The following HTR4 variants were observed in gnomAD, a reference collection of about 807,000 sequenced individuals.
HTR4 encodes the protein 5-hydroxytryptamine (serotonin) receptor 4, G protein-coupled.
A neutral mutation model predicts 36.8 loss-of-function variants in HTR4; 16 were observed. The ratio of observed to expected loss-of-function variants is 0.43; its 90% confidence interval spans 0.29 to 0.66. The LOEUF (loss-of-function observed/expected upper bound fraction) is 0.66, where lower values mean the gene tolerates loss of function less well. Ranked by LOEUF, HTR4 falls within the 30% of genes least tolerant of loss-of-function variation. The pLI, the probability that HTR4 is intolerant of heterozygous loss-of-function variation, is 0.13. For missense variants in HTR4, 438 were observed against 490.9 expected (o/e 0.89, Z 1.02); for synonymous variants, 189 against 185.1 (o/e 1.02, Z -0.17).
At chr5:148,512,887 C>T (rs780297908) in intron 5 of HTR4, among the ~76,000 whole-genome samples, 8 of 152,046 alleles carry the variant, frequency 5.3e-5, no homozygotes, top group African/African-American at 7.2e-5. Flanking sequence ...GCTAAGATCA[C>T]GCCACTGCAC....
downstream of HTR4, among the ~76,000 whole-genome samples, chr5:148,473,593 A>C (rs986710051): frequency 2.0e-5 from 3 of 152,116 alleles, no homozygotes; most frequent in African/African-American, 7.2e-5. Flanking sequence ...GTTTTTTGTG[A>C]CTAGATATTT....
chr5:148,457,439 C>T (rs769193354), intron 5 of HTR4, among the ~76,000 whole-genome samples: 1 of 151,050 alleles, frequency 6.6e-6, no homozygotes, highest in African/African-American at 2.4e-5. Context: ...CAATTAGCAT[C>T]GCACTTAGAG....
intron 5 of HTR4, among the ~76,000 whole-genome samples, chr5:148,464,034 CAA>C (rs34212190): frequency 0.012 from 1,153 of 99,644 alleles, 20 homozygotes; most frequent in African/African-American, 0.037. Flanking sequence ...CATTGACATG[CAA>C]AAAAAAAAAA....
At chr5:148,548,503 G>T (rs1432949880) in intron 4 of HTR4, among the ~76,000 whole-genome samples, 165 bp downstream of exon 4, 1 of 152,174 alleles carries the variant, frequency 6.6e-6, no homozygotes, top group Non-Finnish European at 1.5e-5. Flanking sequence ...TGACTAAAAA[G>T]GGGGCCTCTG....
At chr5:148,471,798 G>A (rs1005365087), downstream of HTR4, among the ~76,000 whole-genome samples, 2 of 152,114 alleles carry the variant, frequency 1.3e-5, no homozygotes, top group African/African-American at 4.8e-5. Context: ...GGCAAAAATT[G>A]TGTGCATATG....
intron 2 of HTR4, among the ~76,000 whole-genome samples, chr5:148,567,712 G>T (rs547918614): frequency 6.6e-6 from 1 of 151,982 alleles, no homozygotes; most frequent in South Asian, 2.1e-4. Flanking sequence ...TATCCACTAG[G>T]TTCCCTTTTT....
intron 2 of HTR4, among the ~76,000 whole-genome samples, chr5:148,566,717 T>C (rs145168699): frequency 4.1e-3 from 628 of 152,246 alleles, no homozygotes; most frequent in African/African-American, 0.014. Flanking sequence ...TACACATACA[T>C]GCTTACATAT....
At chr5:148,556,516 T>C (rs1759958908) in intron 2 of HTR4, among the ~76,000 whole-genome samples, 1 of 152,198 alleles carries the variant, frequency 6.6e-6, no homozygotes, top group African/African-American at 2.4e-5. Flanking sequence ...AGTACTAGAT[T>C]CAATAGTAAA....
chr5:148,479,517 A>T (rs1755808628), downstream of HTR4, among the ~76,000 whole-genome samples: 1 of 152,224 alleles, frequency 6.6e-6, no homozygotes, highest in Non-Finnish European at 1.5e-5. Context: ...TGTATAATTT[A>T]TCAATAAATA....
intron 2 of HTR4, among the ~76,000 whole-genome samples, chr5:148,607,314 G>A (rs1752213908): frequency 6.6e-6 from 1 of 152,184 alleles, no homozygotes; most frequent in African/African-American, 2.4e-5. Flanking sequence ...CTGGACCAGA[G>A]TTCAGATACT....
intron 5 of HTR4, among the ~76,000 whole-genome samples, chr5:148,515,890 C>G (rs979536424): frequency 7.3e-5 from 11 of 151,716 alleles, no homozygotes; most frequent in African/African-American, 2.7e-4. Flanking sequence ...ACTATTTCTA[C>G]AAATATTACA....
intron 1 of HTR4, among the ~76,000 whole-genome samples, chr5:148,653,421 C>A (rs1580773700): frequency 6.6e-6 from 1 of 152,160 alleles, no homozygotes; most frequent in Non-Finnish European, 1.5e-5. Context: ...CACAGGGTAG[C>A]AAGCTGTGAG....
In HTR4 at chr5:148,482,983, A is replaced by C; in HGVS notation, c.*220T>G. 1.4e-6 allele frequency: 2 copies of C among 1,413,696 alleles called. No homozygotes were observed. Among genetic ancestry groups the C allele is most frequent in the Non-Finnish European group, 1.8e-6 (2 of 1,082,304 alleles). The allele number at this position is 1,413,696 out of a possible 1,614,324, so 87.6% of individuals were successfully genotyped here. ...GAATCTGGGAAGAGGGAGTGTTGGG[A>C]AATAAAAAGTGAACAAGGAGGCCAT... On this transcript the variant is annotated 3_prime_UTR_variant, in exon 7 of 7. Coordinates refer to ENST00000377888, the MANE Select transcript of HTR4 (RefSeq NM_000870.7).
At chr5:148,539,778 G>A (rs1009183206) in intron 4 of HTR4, among the ~76,000 whole-genome samples, 2 of 152,166 alleles carry the variant, frequency 1.3e-5, no homozygotes, top group African/African-American at 4.8e-5. Context: ...TGGAGGGAAT[G>A]TAAATTAGTT....
chr5:148,606,062 A>G (rs6868544), intron 2 of HTR4, among the ~76,000 whole-genome samples: 2 of 152,148 alleles, frequency 1.3e-5, no homozygotes, highest in South Asian at 2.1e-4. Flanking sequence ...ATATATATGG[A>G]ATTTTAAAAA....
intron 6 of HTR4, among the ~76,000 whole-genome samples, chr5:148,492,920 G>A (rs1197452972): frequency 6.6e-6 from 1 of 152,096 alleles, no homozygotes; most frequent in Non-Finnish European, 1.5e-5. Context: ...CTTCCACCAA[G>A]CCAGAAGCTG....
intron 2 of HTR4, among the ~76,000 whole-genome samples, chr5:148,593,659 C>G (rs1381827682): frequency 5.9e-5 from 9 of 152,126 alleles, no homozygotes; most frequent in Non-Finnish European, 1.3e-4. Flanking sequence ...TACACCACAG[C>G]TGAATTGATA....
chr5:148,501,019 T>C (rs1756913200), intron 6 of HTR4, among the ~76,000 whole-genome samples: 1 of 152,164 alleles, frequency 6.6e-6, no homozygotes, highest in South Asian at 2.1e-4. Context: ...AAAGAAATAC[T>C]AGCACATGCA....
At chr5:148,465,431 C>T (rs1327161017) in intron 5 of HTR4, among the ~76,000 whole-genome samples, 2 of 152,038 alleles carry the variant, frequency 1.3e-5, no homozygotes, top group African/African-American at 4.8e-5. Flanking sequence ...TTAAAAAGTA[C>T]CTTATTTAGT....
Sources: gnomAD v4.1 joint callset for allele counts (sites outside exome capture counted in the v4.1 genomes callset) on GRCh38, gnomAD v4.1.1 for gene constraint, MANE v1.5 for transcripts, NCBI Gene and HGNC (gene_info 2026-07-23, HGNC 2026-07-21) for gene names.